The following ABHD4 variants were observed in gnomAD, a reference collection of about 807,000 sequenced individuals.
ABHD4 encodes abhydrolase domain containing 4, N-acyl phospholipase B.
ABHD4 carries 35 observed loss-of-function variants against 42.3 expected under a neutral mutation model. That is an observed-to-expected ratio of 0.83 (90% CI 0.63 to 1.10). The LOEUF (loss-of-function observed/expected upper bound fraction) is 1.10. ABHD4 is among the 50% of genes least tolerant of loss of function. The pLI is 0.00. For synonymous variants in ABHD4, 169 were observed against 170.6 expected, an observed-to-expected ratio of 0.99 and a Z score of 0.07; for missense variants, 389 against 454.8, an observed-to-expected ratio of 0.86 and a Z score of 1.32.
Position 22,612,230 on chromosome 14 carries a change from C to G in ABHD4, c.*1282C>G, listed in dbSNP as rs1017896886. Reference sequence around the variant, plus strand: ...GGCCTGGCCTCAGAACCTGGTGGCTCCTGCCTGCTCCTTCACTTTTGTAAA... The same window carrying G: ...GGCCTGGCCTCAGAACCTGGTGGCTGCTGCCTGCTCCTTCACTTTTGTAAA... On this transcript the variant is annotated 3_prime_UTR_variant, in exon 7 of 7. Transcript: ENST00000428304. The G allele has an allele frequency of 1.3e-5, 2 of 152,714 alleles. No individual in the cohort carries two copies. Among genetic ancestry groups the G allele is most frequent in the African/African-American group, 4.8e-5 (2 of 41,460 alleles). The allele number at this position is 152,714 out of a possible 1,614,324, so 9.5% of individuals were successfully genotyped here. A position where few individuals can be genotyped will look rare whatever the true frequency, so the allele number is the denominator to read the frequency against.
chr14:22,598,441 A>G, intron 1 of ABHD4, 112 bp downstream of exon 1: 2 of 1,443,114 alleles, frequency 1.4e-6, no homozygotes, highest in Non-Finnish European at 1.8e-6. Context: ...TTCCTTTTCC[A>G]GGTCGGCCTC....
intron 2 of ABHD4, among the ~76,000 whole-genome samples, chr14:22,602,698 G>A (rs1034500971): frequency 2.0e-5 from 3 of 152,310 alleles, no homozygotes; most frequent in Non-Finnish European, 1.5e-5. Context: ...AGCTGGGCAC[G>A]CTGTTTCAAG....
rs140806783 is a variant in ABHD4, at chr14:22,601,618, A to T, written c.24-49A>T. 3.9e-6 allele frequency: 6 copies of T among 1,529,852 alleles called. No individual in the cohort carries two copies. In the African/African-American group the frequency reaches 5.5e-5, roughly 14 times the overall value. 94.8% of individuals were successfully genotyped at this position (1,529,852 alleles called of 1,614,324 possible). On this transcript the variant is annotated intron_variant, in intron 1 of 6. Coordinates refer to ENST00000428304, the MANE Select transcript of ABHD4 (RefSeq NM_022060.3). ...ACTCTCAGCAAGGCTAAGAGCATCA[A>T]TGTTTCTTTCCAATGTTGCCAATGA...
intron 5 of ABHD4, among the ~76,000 whole-genome samples, chr14:22,608,832 G>A (rs1374387211): frequency 5.3e-5 from 8 of 152,156 alleles, no homozygotes; most frequent in Non-Finnish European, 8.8e-5. Context: ...CTCCCAAGTA[G>A]CTGGGATTGC....
intron 1 of ABHD4, chr14:22,598,761 G>A (rs1329983358): frequency 2.8e-6 from 1 of 357,382 alleles, no homozygotes; most frequent in Non-Finnish European, 5.5e-6. Context: ...GCCCGGCAAA[G>A]AGAAGATGTG....
intron 5 of ABHD4, among the ~76,000 whole-genome samples, chr14:22,607,682 G>A (rs768462544): frequency 1.3e-5 from 2 of 152,200 alleles, no homozygotes; most frequent in African/African-American, 2.4e-5. Context: ...TGGGCTCAGT[G>A]CCTGTCTCAT....
At chr14:22,608,221 G>T (rs1303490453) in intron 5 of ABHD4, among the ~76,000 whole-genome samples, 1 of 152,078 alleles carries the variant, frequency 6.6e-6, no homozygotes, top group Admixed American at 6.6e-5. Flanking sequence ...ATTTCTGATG[G>T]CCTGGGCAGA....
At chr14:22,606,948 C>T (rs549682327) in intron 5 of ABHD4, among the ~76,000 whole-genome samples, 3 of 152,102 alleles carry the variant, frequency 2.0e-5, no homozygotes, top group Non-Finnish European at 2.9e-5. Context: ...TCTCCTGTCC[C>T]GGGCCTGTAG....
chr14:22,605,788 G>A (rs2139268688), intron 4 of ABHD4: 1 of 1,288,294 alleles, frequency 7.8e-7, no homozygotes, highest in Non-Finnish European at 1.0e-6. Flanking sequence ...CATAAACAGA[G>A]AGAAGACCAG....
intron 4 of ABHD4, among the ~76,000 whole-genome samples, chr14:22,605,249 G>C (rs2037336113): frequency 6.6e-6 from 1 of 152,160 alleles, no homozygotes; most frequent in Admixed American, 6.5e-5. Flanking sequence ...CCGCTGGGGA[G>C]CTTTTTACTC....
intron 2 of ABHD4, among the ~76,000 whole-genome samples, chr14:22,602,978 A>G (rs1040316640): frequency 2.6e-5 from 4 of 152,330 alleles, no homozygotes; most frequent in Non-Finnish European, 5.9e-5. Context: ...AAAGGGAGAT[A>G]TCAAAGATAA....
rs752618853 is a variant in ABHD4, at chr14:22,603,508, T to TG, written c.236dup (p.Gly80ArgfsTer42). The TG allele has an allele frequency of 1.9e-6, 3 of 1,614,156 alleles. No individual in the cohort carries two copies. Among genetic ancestry groups the TG allele is most frequent in the Non-Finnish European group, 2.5e-6 (3 of 1,180,014 alleles). ...CCCCCTTGGTGATGGTGCATGGTTTTGGGGGCGGCGTGGGTCTCTGGATCC... is the reference window on the plus strand; with the variant it reads ...CCCCCTTGGTGATGGTGCATGGTTTTGGGGGGCGGCGTGGGTCTCTGGATCC... On this transcript the variant is annotated frameshift_variant, in exon 3 of 7. Transcript: ENST00000428304. LOFTEE classifies it high-confidence loss of function.
intron 2 of ABHD4, among the ~76,000 whole-genome samples, chr14:22,602,751 G>A (rs1483964): frequency 0.14 from 20,706 of 152,212 alleles, 1,546 homozygotes; most frequent in East Asian, 0.24. Flanking sequence ...TACATGGTCT[G>A]TAAATGTGAT....
intron 5 of ABHD4, among the ~76,000 whole-genome samples, chr14:22,608,219 T>C (rs1346527180): frequency 6.6e-6 from 1 of 152,204 alleles, no homozygotes; most frequent in Non-Finnish European, 1.5e-5. Context: ...TTATTTCTGA[T>C]GGCCTGGGCA....
chr14:22,606,038 G>T (rs766844610), intron 4 of ABHD4, among the ~76,000 whole-genome samples: 10 of 152,172 alleles, frequency 6.6e-5, no homozygotes, highest in Non-Finnish European at 1.0e-4. Flanking sequence ...AGATTAAAAG[G>T]CCATAAGGGT....
At chr14:22,600,407 T>C (rs530883406) in intron 1 of ABHD4, among the ~76,000 whole-genome samples, 6 of 152,352 alleles carry the variant, frequency 3.9e-5, no homozygotes, top group African/African-American at 1.4e-4. Flanking sequence ...GTATGACCTC[T>C]TTGGGCATCA....
intron 6 of ABHD4, 88 bp from the exon 7 acceptor site, chr14:22,610,771 C>A: frequency 1.9e-6 from 2 of 1,052,644 alleles, no homozygotes; most frequent in Non-Finnish European, 3.0e-6. Context: ...GGCAGGCAAG[C>A]AAGTCTAAGG....
intron 5 of ABHD4, among the ~76,000 whole-genome samples, chr14:22,607,735 A>G (rs553298761): frequency 6.7e-4 from 102 of 152,276 alleles, no homozygotes; most frequent in African/African-American, 2.4e-3. Flanking sequence ...CCCTTTCCCC[A>G]GAACTTTCCC....
At chr14:22,605,336 G>A (rs1413649217) in intron 4 of ABHD4, among the ~76,000 whole-genome samples, 1 of 152,190 alleles carries the variant, frequency 6.6e-6, no homozygotes, top group Non-Finnish European at 1.5e-5. Flanking sequence ...ACTGATGATT[G>A]TGCTTACAGA....
Sources: allele counts gnomAD v4.1 joint callset (sites outside exome capture counted in the v4.1 genomes callset), GRCh38; gene constraint gnomAD v4.1.1; transcripts MANE v1.5; gene names NCBI Gene and HGNC (gene_info 2026-07-23, HGNC 2026-07-21).